CSMD3: variants seen among roughly 807,000 people sequenced by gnomAD.
CSMD3 encodes the protein CUB and Sushi multiple domains 3.
A neutral mutation model predicts 435.2 loss-of-function variants in CSMD3; 177 were observed. That is an observed-to-expected ratio of 0.41 (90% CI 0.36 to 0.46). CSMD3 has a LOEUF of 0.46. Among genes scored for constraint, CSMD3 ranks in the 20% least tolerant of loss-of-function variants. CSMD3 has a pLI of 0.34. For synonymous variants in CSMD3, 1,656 were observed against 1,520.5 expected (o/e 1.09, Z -2.07); for missense variants, 4,265 against 4,504.6 (o/e 0.95, Z 1.52).
intron 4 of CSMD3, among the ~76,000 whole-genome samples, chr8:113,159,926 G>T (rs1236900040): frequency 6.6e-6 from 1 of 151,786 alleles, no homozygotes; most frequent in Non-Finnish European, 1.5e-5. Flanking sequence ...ATCCACTCTG[G>T]CTGGCAGCCA....
rs1823743146 is a variant in CSMD3 at position 112,517,046 on chromosome 8, G to C, written c.4744C>G (p.Pro1582Ala). 1.2e-6 allele frequency: 2 copies of C among 1,612,636 alleles called. No individual in the cohort carries two copies. Among genetic ancestry groups the C allele is most frequent in the Non-Finnish European group, 1.7e-6 (2 of 1,179,088 alleles). The stretch of plus-strand genomic sequence containing the variant: ...CTTTAATTCATACCTATACAGACTG[G>C]TGGGCTGGGCTGCCAGAAGTACCGA... ...ENRYFWQPSP[P>A]VCIAPCGGNL... Residue 1582 changes from proline (P) to alanine (A), a missense_variant, in exon 28 of 71, where the codon CCA (proline) becomes GCA (alanine). Pro to Ala is a conservative substitution (Grantham distance 27, BLOSUM62 -1). Transcript: ENST00000297405.
intron 2 of CSMD3, 114 bp downstream of exon 2, chr8:113,314,457 G>A (rs1179418937): frequency 2.8e-6 from 2 of 704,384 alleles, no homozygotes; most frequent in Non-Finnish European, 5.1e-6. Flanking sequence ...ATAATTAGAT[G>A]GTGAATACAA....
chr8:112,306,436 T>G (rs1278119917), intron 50 of CSMD3, among the ~76,000 whole-genome samples: 1 of 152,198 alleles, frequency 6.6e-6, no homozygotes, highest in Non-Finnish European at 1.5e-5. Flanking sequence ...TTTCTTGGTT[T>G]CTTACTTAAT....
chr8:112,945,423 C>T (rs2083572554), intron 9 of CSMD3, among the ~76,000 whole-genome samples: 1 of 151,698 alleles, frequency 6.6e-6, no homozygotes, highest in South Asian at 2.1e-4. Flanking sequence ...AACTTCCCAT[C>T]ATAGGCAGGT....
At chr8:112,235,414 A>AAAC (rs548386612) in intron 67 of CSMD3, among the ~76,000 whole-genome samples, 18 of 151,866 alleles carry the variant, frequency 1.2e-4, no homozygotes, top group African/African-American at 1.9e-4. Flanking sequence ...AACAAAAACA[A>AAAC]AACAACAACA....
chr8:113,335,561 TTG>T lies in CSMD3; in HGVS notation c.179-20770_179-20769del, dbSNP rs1554614102. 2.5e-4 allele frequency among the ~76,000 whole-genome samples: 36 copies of T among 146,812 alleles called. 1 individual carries two copies. The highest frequency in any genetic ancestry group is 6.0e-4 in the African/African-American group (24 of 39,830). On this transcript the variant is annotated intron_variant, in intron 1 of 70. Transcript: ENST00000297405. ...TCTTTTTTTTTTTTTTTTTTTTTTTTTGGGTATTTACATGAAACCTTAGATTG... is the reference window on the plus strand; with the variant it reads ...TCTTTTTTTTTTTTTTTTTTTTTTTTGGTATTTACATGAAACCTTAGATTG...
intron 1 of CSMD3, among the ~76,000 whole-genome samples, chr8:113,433,424 G>T (rs1486730803): frequency 6.6e-6 from 1 of 152,198 alleles, no homozygotes; most frequent in East Asian, 1.9e-4. Context: ...GCCTCTGGCA[G>T]CTCTTCCCCC....
At chr8:113,319,422 T>C (rs865976034) in intron 1 of CSMD3, among the ~76,000 whole-genome samples, 3 of 152,182 alleles carry the variant, frequency 2.0e-5, no homozygotes, top group Middle Eastern at 6.8e-3. Context: ...TTTTCTGCTA[T>C]TGAGTTATAA....
chr8:112,675,753 A>G (rs1186633869), intron 16 of CSMD3, among the ~76,000 whole-genome samples: 1 of 152,092 alleles, frequency 6.6e-6, no homozygotes, highest in Non-Finnish European at 1.5e-5. Context: ...GTCTCTTTAG[A>G]GAAGAATGGT....
intron 1 of CSMD3, among the ~76,000 whole-genome samples, chr8:113,346,451 T>G (rs944247240): frequency 2.6e-5 from 4 of 152,122 alleles, no homozygotes; most frequent in Non-Finnish European, 5.9e-5. Context: ...TTCTTTGTCA[T>G]AATTCAAATA....
intron 3 of CSMD3, among the ~76,000 whole-genome samples, chr8:113,227,672 T>C (rs139487180): frequency 1.3e-5 from 2 of 151,770 alleles, no homozygotes; most frequent in East Asian, 3.9e-4. Context: ...GCCTCTCTTG[T>C]GCTCTCTCCT....
intron 27 of CSMD3, among the ~76,000 whole-genome samples, chr8:112,530,612 C>T (rs1279067835): frequency 1.3e-5 from 2 of 152,156 alleles, no homozygotes; most frequent in African/African-American, 2.4e-5. Context: ...AGCTCATCAC[C>T]ATTAGACATG....
At chr8:113,131,343 G>A (rs540252085) in intron 4 of CSMD3, among the ~76,000 whole-genome samples, 27 of 152,144 alleles carry the variant, frequency 1.8e-4, no homozygotes, top group African/African-American at 5.1e-4. Flanking sequence ...AGCAAGGCCC[G>A]GGAAACCCTT....
chr8:113,328,161 G>A (rs2093997922), intron 1 of CSMD3, among the ~76,000 whole-genome samples: 1 of 152,042 alleles, frequency 6.6e-6, no homozygotes, highest in Non-Finnish European at 1.5e-5. Context: ...AGATGGGGCC[G>A]GGCGCGGTGG....
intron 9 of CSMD3, among the ~76,000 whole-genome samples, chr8:112,940,771 A>T (rs920749088): frequency 6.6e-6 from 1 of 151,824 alleles, no homozygotes; most frequent in African/African-American, 2.4e-5. Flanking sequence ...GATTATAAAA[A>T]TATTGATTAC....
At chr8:112,785,689 T>C (rs2078519667) in intron 13 of CSMD3, among the ~76,000 whole-genome samples, 1 of 151,818 alleles carries the variant, frequency 6.6e-6, no homozygotes, top group Non-Finnish European at 1.5e-5. Context: ...TTATGATAGC[T>C]ACAAATAAAA....
chr8:112,905,660 T>C (rs1013544781), intron 10 of CSMD3, among the ~76,000 whole-genome samples: 1 of 151,504 alleles, frequency 6.6e-6, no homozygotes, highest in Non-Finnish European at 1.5e-5. Context: ...TTCTTTCCTA[T>C]AATGCAACTT....
At chr8:112,275,746 T>C (rs1817982085) in intron 59 of CSMD3, among the ~76,000 whole-genome samples, 1 of 152,140 alleles carries the variant, frequency 6.6e-6, no homozygotes, top group African/African-American at 2.4e-5. Flanking sequence ...GAGACAAGTA[T>C]GGGAGAAACC....
intron 30 of CSMD3, among the ~76,000 whole-genome samples, chr8:112,498,320 C>T (rs10097216): frequency 0.27 from 40,922 of 151,948 alleles, 5,717 homozygotes; most frequent in East Asian, 0.38. Flanking sequence ...AACAACATCT[C>T]TTTTTAAAAA....
Sources: gnomAD v4.1 joint callset for allele counts (sites outside exome capture counted in the v4.1 genomes callset) on GRCh38, gnomAD v4.1.1 for gene constraint, MANE v1.5 for transcripts, NCBI Gene and HGNC (gene_info 2026-07-23, HGNC 2026-07-21) for gene names.